L3MBTL4: variants seen among roughly 807,000 people sequenced by gnomAD.
L3MBTL4 encodes the protein lethal(3)malignant brain tumor-like protein 4.
A neutral mutation model predicts 84.5 loss-of-function variants in L3MBTL4; 70 were observed. The observed-to-expected ratio is 0.83, with a 90% CI of 0.68 to 1.01. L3MBTL4 has a LOEUF of 1.01. L3MBTL4 is among the 50% of genes least tolerant of loss of function. The pLI, the probability that L3MBTL4 is intolerant of heterozygous loss-of-function variation, is 0.00. For missense variants in L3MBTL4, 715 were observed against 754.8 expected, an observed-to-expected ratio of 0.95 and a Z score of 0.62; for synonymous variants, 274 against 259.8, an observed-to-expected ratio of 1.05 and a Z score of -0.52.
At chr18:6,075,257 G>C (rs1318288038) in intron 16 of L3MBTL4, among the ~76,000 whole-genome samples, 1 of 152,120 alleles carries the variant, frequency 6.6e-6, no homozygotes, top group African/African-American at 2.4e-5. Flanking sequence ...TGGAGGAGCG[G>C]CATTCTTAGC....
chr18:6,243,064 C>A (rs573173959), intron 7 of L3MBTL4, among the ~76,000 whole-genome samples: 330 of 152,256 alleles, frequency 2.2e-3, no homozygotes, highest in African/African-American at 7.7e-3. Context: ...TTTCTGCCTT[C>A]TGTACATTAT....
chr18:6,211,010 A>T (rs1229073384), intron 12 of L3MBTL4, among the ~76,000 whole-genome samples: 1 of 152,166 alleles, frequency 6.6e-6, no homozygotes, highest in African/African-American at 2.4e-5. Context: ...ACCTCATTGA[A>T]TTTTCACAAC....
intron 14 of L3MBTL4, among the ~76,000 whole-genome samples, chr18:6,110,483 G>T (rs903364262): frequency 4.6e-5 from 7 of 151,582 alleles, no homozygotes; most frequent in African/African-American, 1.5e-4. Flanking sequence ...TGGGTGGGTG[G>T]GTGTGTACAT....
At chr18:6,043,457 C>A (rs536140880) in intron 16 of L3MBTL4, among the ~76,000 whole-genome samples, 3 of 152,310 alleles carry the variant, frequency 2.0e-5, no homozygotes, top group African/African-American at 7.2e-5. Flanking sequence ...CTCCCCAGGC[C>A]TCATCACCTG....
intron 1 of L3MBTL4, among the ~76,000 whole-genome samples, chr18:6,324,635 C>T (rs562661968): frequency 6.6e-5 from 10 of 152,292 alleles, no homozygotes; most frequent in South Asian, 2.1e-4. Context: ...AAAAAGATCA[C>T]GCTTTAGTTA....
intron 1 of L3MBTL4, among the ~76,000 whole-genome samples, chr18:6,374,109 GC>G (rs1439078671): frequency 6.6e-6 from 1 of 152,148 alleles, no homozygotes; most frequent in Non-Finnish European, 1.5e-5. Context: ...CACACAAACA[GC>G]AGATGTACAT....
chr18:6,035,470 G>A (rs772631918), intron 16 of L3MBTL4, among the ~76,000 whole-genome samples: 355 of 149,842 alleles, frequency 2.4e-3, no homozygotes, highest in Non-Finnish European at 3.8e-3. Context: ...GATATGCGGC[G>A]TTATTTCTGA....
At chr18:6,113,404 T>C (rs2059255999) in intron 14 of L3MBTL4, among the ~76,000 whole-genome samples, 2 of 121,396 alleles carry the variant, frequency 1.6e-5, no homozygotes, top group Admixed American at 1.0e-4. Flanking sequence ...CTACATTATA[T>C]AACAAACCTG....
chr18:6,104,238 G>A (rs945815376), intron 14 of L3MBTL4, among the ~76,000 whole-genome samples: 2 of 152,078 alleles, frequency 1.3e-5, no homozygotes, highest in African/African-American at 2.4e-5. Flanking sequence ...TTATCCAAAA[G>A]AACTGAAATG....
At chr18:6,319,556 A>T (rs1290018675) in intron 1 of L3MBTL4, among the ~76,000 whole-genome samples, 1 of 152,134 alleles carries the variant, frequency 6.6e-6, no homozygotes, top group Non-Finnish European at 1.5e-5. Context: ...TCCTAGAAAC[A>T]TACACCCCTC....
intron 13 of L3MBTL4, among the ~76,000 whole-genome samples, chr18:6,150,729 C>T (rs2042857356): frequency 6.6e-6 from 1 of 152,180 alleles, no homozygotes; most frequent in Admixed American, 6.5e-5. Flanking sequence ...TGAGAGAGAA[C>T]AAGCCCTAAC....
chr18:6,147,794 G>C (rs536131777), intron 13 of L3MBTL4, among the ~76,000 whole-genome samples: 4 of 152,154 alleles, frequency 2.6e-5, no homozygotes, highest in Non-Finnish European at 5.9e-5. Flanking sequence ...ATGTGGTACT[G>C]GCCTTTGCTT....
chr18:6,031,443 A>G, intron 16 of L3MBTL4: 2 of 985,438 alleles, frequency 2.0e-6, no homozygotes, highest in Non-Finnish European at 2.4e-6. Context: ...GCGAGGTGGG[A>G]CCATTCTTTG....
chr18:6,017,536 G>A (rs2055049825), intron 16 of L3MBTL4, among the ~76,000 whole-genome samples: 1 of 152,066 alleles, frequency 6.6e-6, no homozygotes, highest in African/African-American at 2.4e-5. Context: ...CTGAATTAAG[G>A]GCAGGAACAC....
chr18:6,031,123 G>A (rs1030786612), intron 16 of L3MBTL4: 1 of 985,402 alleles, frequency 1.0e-6, no homozygotes, highest in Non-Finnish European at 1.2e-6. Context: ...AAAGCCACAC[G>A]TGATCCAAGT....
chr18:5,960,579 T>C (rs1283747586), intron 17 of L3MBTL4: 1 of 152,772 alleles, frequency 6.5e-6, no homozygotes, highest in East Asian at 1.9e-4. Flanking sequence ...GGCCTTCTCC[T>C]GCTCATCTCT....
At chr18:6,315,941 T>C (rs544813232) in intron 1 of L3MBTL4, among the ~76,000 whole-genome samples, 20 of 152,344 alleles carry the variant, frequency 1.3e-4, no homozygotes, top group African/African-American at 4.6e-4. Context: ...TAATACTTTA[T>C]GAGAATAGCA....
chr18:6,193,359 A>G (rs1054676560), intron 12 of L3MBTL4, among the ~76,000 whole-genome samples: 1 of 152,180 alleles, frequency 6.6e-6, no homozygotes. Flanking sequence ...GTTTGAAGAC[A>G]CGAGAGTCAA....
At chr18:6,125,224 C>T (rs2059652286) in intron 14 of L3MBTL4, among the ~76,000 whole-genome samples, 1 of 151,936 alleles carries the variant, frequency 6.6e-6, no homozygotes, top group Non-Finnish European at 1.5e-5. Flanking sequence ...GGAAGGTCCC[C>T]TCCTTTGTCC....
Sources: gnomAD v4.1 joint callset for allele counts (sites outside exome capture counted in the v4.1 genomes callset) on GRCh38, gnomAD v4.1.1 for gene constraint, MANE v1.5 for transcripts, NCBI Gene and HGNC (gene_info 2026-07-23, HGNC 2026-07-21) for gene names.